Variants in EBF1 observed in about 807,000 individuals in gnomAD.
EBF1 encodes the protein transcription factor COE1.
EBF1 carries 10 observed loss-of-function variants against 68.4 expected under a neutral mutation model. That is an observed-to-expected ratio of 0.15 (90% CI 0.09 to 0.25). EBF1 has a LOEUF of 0.25. Ranked by LOEUF, EBF1 falls within the 10% of genes least tolerant of loss-of-function variation. The probability of loss-of-function intolerance (pLI) is 1.00; values close to 1 mark genes in which losing one functional copy is unlikely to be tolerated. For synonymous variants in EBF1, 298 were observed against 299.8 expected (o/e 0.99, Z 0.06); for missense variants, 509 against 794.4 (o/e 0.64, Z 4.32).
At chr5:159,007,250 A>G (rs1273064694) in intron 6 of EBF1, among the ~76,000 whole-genome samples, 2 of 152,304 alleles carry the variant, frequency 1.3e-5, no homozygotes, top group Non-Finnish European at 2.9e-5. Flanking sequence ...CAGAGAGAGA[A>G]AAAAAGGGGA....
At chr5:158,707,007 C>G (rs925675070) in intron 15 of EBF1, among the ~76,000 whole-genome samples, 1 of 152,232 alleles carries the variant, frequency 6.6e-6, no homozygotes, top group Middle Eastern at 3.2e-3. Flanking sequence ...GGCTATGTCT[C>G]TTTTAGCACC....
At chr5:159,004,691 G>A (rs182798150) in intron 6 of EBF1, among the ~76,000 whole-genome samples, 9 of 152,206 alleles carry the variant, frequency 5.9e-5, no homozygotes, top group African/African-American at 2.2e-4. Context: ...GCCAAGTAGG[G>A]AACTGTGCTC....
intron 6 of EBF1, among the ~76,000 whole-genome samples, chr5:159,018,035 G>A (rs1167445175): frequency 2.0e-5 from 3 of 152,064 alleles, no homozygotes; most frequent in Middle Eastern, 3.4e-3. Flanking sequence ...CCTGGGCAAG[G>A]AGCCATGGCC....
chr5:158,709,444 G>A (rs949107769), intron 14 of EBF1, among the ~76,000 whole-genome samples: 1 of 152,124 alleles, frequency 6.6e-6, no homozygotes, highest in Non-Finnish European at 1.5e-5. Context: ...GCCCAAATTT[G>A]GAGCTCTTTC....
chr5:159,023,719 T>C (rs893287732), intron 6 of EBF1, among the ~76,000 whole-genome samples: 6 of 152,252 alleles, frequency 3.9e-5, no homozygotes, highest in Admixed American at 3.9e-4. Context: ...ACTCACTCTG[T>C]TCAGATTTAT....
At chr5:158,910,577 C>T (rs1370265799) in intron 6 of EBF1, among the ~76,000 whole-genome samples, 1 of 152,146 alleles carries the variant, frequency 6.6e-6, no homozygotes, top group Admixed American at 6.5e-5. Context: ...TTTTAAACTA[C>T]ATATTTTATG....
At position 159,096,386 on chromosome 5, in the gene EBF1, G is replaced by T; in HGVS notation, c.312C>A (p.Thr104=). The part of the protein sequence containing the change: ...EKEKEANSEK[T]NNGIHYRLQL... ...GAAGCCGGTAGTGAATTCCGTTATT[G>T]GTCTTTTCGCTGTTGGCTTCCTGGG... The change falls in exon 3 of 16, where the codon ACC becomes ACA. Residue 104 remains threonine, a synonymous_variant. Coordinates refer to ENST00000313708, the MANE Select transcript of EBF1 (RefSeq NM_024007.5). 6.2e-7 allele frequency: 1 copy of T among 1,613,652 alleles called. No homozygotes were observed. Among genetic ancestry groups the T allele is most frequent in the Non-Finnish European group, 8.5e-7 (1 of 1,179,824 alleles).
intron 6 of EBF1, among the ~76,000 whole-genome samples, chr5:158,957,934 C>A (rs1005090230): frequency 1.4e-4 from 21 of 152,170 alleles, no homozygotes; most frequent in African/African-American, 5.1e-4. Context: ...GTGGGAATAT[C>A]TTTTACACGA....
intron 10 of EBF1, among the ~76,000 whole-genome samples, chr5:158,761,984 A>G (rs1246647150): frequency 2.0e-5 from 3 of 152,194 alleles, no homozygotes; most frequent in African/African-American, 7.2e-5. Flanking sequence ...AATGCAATAA[A>G]CTATTCTAAG....
chr5:159,069,214 T>TAA (rs5872584), intron 6 of EBF1, among the ~76,000 whole-genome samples: 9,083 of 149,808 alleles, frequency 0.061, 779 homozygotes, highest in East Asian at 0.4. Context: ...TTCTATCTAC[T>TAA]AAAAAAAAAA....
chr5:158,778,736 T>G (rs1482262700), intron 9 of EBF1, among the ~76,000 whole-genome samples: 1 of 152,092 alleles, frequency 6.6e-6, no homozygotes, highest in Non-Finnish European at 1.5e-5. Context: ...CACAAGTAAT[T>G]TATATCAAAT....
chr5:158,731,789 T>C (rs1445512745), intron 10 of EBF1, among the ~76,000 whole-genome samples: 4 of 152,172 alleles, frequency 2.6e-5, no homozygotes, highest in African/African-American at 4.8e-5. Context: ...ATTGATATTA[T>C]TTGGGACCAG....
intron 6 of EBF1, among the ~76,000 whole-genome samples, chr5:159,045,414 T>C (rs912471211): frequency 1.0e-4 from 15 of 146,214 alleles, no homozygotes; most frequent in South Asian, 6.5e-4. Context: ...AATTTTTTTT[T>C]CCCCTTGTAT....
At position 159,046,392 on chromosome 5, in the gene EBF1, G is replaced by A. The variant is rs1008810242; in HGVS notation, c.554+27004C>T. Among the ~76,000 whole-genome samples, 5 of 152,130 alleles carry A rather than the reference G, an allele frequency of 3.3e-5. No individual in the cohort carries two copies. In the South Asian group the frequency reaches 6.2e-4, roughly 19 times the overall value. On this transcript the variant is annotated intron_variant, in intron 6 of 15. Coordinates refer to ENST00000313708, the MANE Select transcript of EBF1 (RefSeq NM_024007.5). ...TTTTAGCTATTCCCATAATTGTGTC[G>A]ACTTGTGCAATGACAAAAATCCTAC...
At chr5:159,037,687 G>A (rs1196572370) in intron 6 of EBF1, among the ~76,000 whole-genome samples, 5 of 141,000 alleles carry the variant, frequency 3.5e-5, no homozygotes, top group East Asian at 2.1e-4. Flanking sequence ...GGATAGCATT[G>A]GGAGATATAC....
chr5:158,950,149 A>G (rs1053268897), intron 6 of EBF1, among the ~76,000 whole-genome samples: 1 of 152,208 alleles, frequency 6.6e-6, no homozygotes, highest in Non-Finnish European at 1.5e-5. Flanking sequence ...TCCTGGCCCA[A>G]AGGTCTCCAA....
chr5:158,825,432 T>C (rs1785858250), intron 7 of EBF1, among the ~76,000 whole-genome samples: 1 of 151,560 alleles, frequency 6.6e-6, no homozygotes, highest in Non-Finnish European at 1.5e-5. Flanking sequence ...TCCCAAACCA[T>C]ATCTGTTTTC....
At chr5:158,840,645 GTTTTTT>G (rs534374216) in intron 6 of EBF1, among the ~76,000 whole-genome samples, 9 of 64,806 alleles carry the variant, frequency 1.4e-4, no homozygotes, top group African/African-American at 5.0e-4. Context: ...AATACCTCCT[GTTTTTT>G]TTTTTTTTTT....
intron 6 of EBF1, among the ~76,000 whole-genome samples, chr5:158,919,109 T>A (rs1440652700): frequency 6.6e-6 from 1 of 152,210 alleles, no homozygotes; most frequent in Non-Finnish European, 1.5e-5. Flanking sequence ...GTTTAGCACT[T>A]GTTGGGCCTG....
Sources: allele counts gnomAD v4.1 joint callset (sites outside exome capture counted in the v4.1 genomes callset), GRCh38; gene constraint gnomAD v4.1.1; transcripts MANE v1.5; gene names NCBI Gene and HGNC (gene_info 2026-07-23, HGNC 2026-07-21).